Variants in ZEB1 observed in about 807,000 individuals in gnomAD.
ZEB1 encodes the protein zinc finger E-box-binding homeobox 1.
In ZEB1, 21 loss-of-function variants were observed where a neutral mutation model predicts 84.9. That is an observed-to-expected ratio of 0.25 (90% CI 0.18 to 0.36). The LOEUF is 0.36. Ranked by LOEUF, ZEB1 falls within the 10% of genes least tolerant of loss-of-function variation. The pLI is 1.00. For missense variants in ZEB1, 1,104 were observed against 1,330.2 expected, an observed-to-expected ratio of 0.83 and a Z score of 2.65; for synonymous variants, 420 against 471.1, an observed-to-expected ratio of 0.89 and a Z score of 1.41.
At chr10:31,392,796 A>T (rs536891507) in intron 1 of ZEB1, among the ~76,000 whole-genome samples, 16 of 151,320 alleles carry the variant, frequency 1.1e-4, no homozygotes, top group African/African-American at 3.9e-4. Context: ...AAAATATATT[A>T]ATATACTTTT....
rs1210213266 is a variant in ZEB1 at position 31,339,585 on chromosome 10, T to C, written c.58+20293T>C. Among the ~76,000 whole-genome samples, 5 of 151,996 alleles carry C rather than the reference T, an allele frequency of 3.3e-5. No individual in the cohort carries two copies. The East Asian group carries it at 9.6e-4, about 29-fold the overall frequency. On this transcript the variant is annotated intron_variant, in intron 1 of 8. Transcript: ENST00000424869. The stretch of plus-strand genomic sequence containing the variant: ...GAGTTCGAGACCAGCCTGACCAATG[T>C]GGTGAAACCCCTTCTCTACTAAAAA...
intron 2 of ZEB1, among the ~76,000 whole-genome samples, chr10:31,463,823 G>A (rs2062073661): frequency 6.6e-6 from 1 of 152,254 alleles, no homozygotes; most frequent in South Asian, 2.1e-4. Flanking sequence ...AAGTCTTTTG[G>A]AGAAATATAC....
At chr10:31,436,078 A>C (rs1441204184) in intron 1 of ZEB1, among the ~76,000 whole-genome samples, 1 of 152,206 alleles carries the variant, frequency 6.6e-6, no homozygotes, top group Non-Finnish European at 1.5e-5. Context: ...GAACAGTAGC[A>C]AGTGAAGATG....
At chr10:31,378,409 G>C (rs1368954377) in intron 1 of ZEB1, among the ~76,000 whole-genome samples, 1 of 151,536 alleles carries the variant, frequency 6.6e-6, no homozygotes, top group Non-Finnish European at 1.5e-5. Flanking sequence ...TAAAAAATGA[G>C]AGTTAAAATA....
intron 2 of ZEB1, among the ~76,000 whole-genome samples, chr10:31,493,945 TTG>T (rs2066888880): frequency 6.6e-6 from 1 of 152,012 alleles, no homozygotes. Flanking sequence ...ATTAATCAAA[TTG>T]CAGTTCCTAA....
At chr10:31,405,527 A>C (rs1021108606) in intron 1 of ZEB1, among the ~76,000 whole-genome samples, 1 of 152,086 alleles carries the variant, frequency 6.6e-6, no homozygotes, top group Non-Finnish European at 1.5e-5. Flanking sequence ...CTAAAGTGGT[A>C]ATTGTTTCTT....
rs139230792 is a variant in ZEB1 at position 31,409,503 on chromosome 10, T to A, written c.59-51534T>A. Among the ~76,000 whole-genome samples the A allele has an allele frequency of 9.2e-3, 1,388 of 151,344 alleles. 13 individuals carry two copies. The highest frequency in any genetic ancestry group is 0.032 in the African/African-American group (1,298 of 40,776). On this transcript the variant is annotated intron_variant, in intron 1 of 8. Transcript: ENST00000424869. The stretch of plus-strand genomic sequence containing the variant: ...TGTCTTGGCTATACGGGCTCTTTTT[T>A]GGTTCCGTATGAAGTTTAAAGTGGT...
At chr10:31,409,068 A>G (rs1389994858) in intron 1 of ZEB1, among the ~76,000 whole-genome samples, 2 of 152,238 alleles carry the variant, frequency 1.3e-5, no homozygotes, top group Non-Finnish European at 2.9e-5. Context: ...ATACAACCCC[A>G]TCAAAAAGTG....
Position 31,370,337 on chromosome 10 carries a change from G to A in ZEB1, c.58+51045G>A, listed in dbSNP as rs116248216. 6.3e-3 allele frequency among the ~76,000 whole-genome samples: 961 copies of A among 152,230 alleles called. 8 individuals carry two copies. Among genetic ancestry groups the A allele is most frequent in the African/African-American group, 0.022 (911 of 41,528 alleles). On this transcript the variant is annotated intron_variant, in intron 1 of 8. Transcript: ENST00000424869. ...AGAAAAATAGATGTGATGGCCGGGC[G>A]CAGTGGTTCACGCCTGTAATCCCAG...
chr10:31,465,469 T>G (rs1235331053), intron 2 of ZEB1, among the ~76,000 whole-genome samples: 4 of 151,318 alleles, frequency 2.6e-5, no homozygotes, highest in Non-Finnish European at 5.9e-5. Flanking sequence ...AATATATATA[T>G]ATATATAAAA....
intron 7 of ZEB1, 31 bp from the exon 8 acceptor site, chr10:31,523,902 A>G (rs767029148): frequency 1.2e-6 from 2 of 1,608,336 alleles, no homozygotes; most frequent in Non-Finnish European, 1.7e-6. Context: ...TTAATGTTAA[A>G]TTACATTTTC....
rs1215126751 is a variant in ZEB1, at chr10:31,441,624, T to C, written c.59-19413T>C. 2.0e-5 allele frequency among the ~76,000 whole-genome samples: 3 copies of C among 152,104 alleles called. No individual in the cohort carries two copies. The East Asian group carries it at 5.8e-4, about 29-fold the overall frequency. ...CTACCATCAGAGTGAACAGGCAACC[T>C]ACAGAATGGGAAAAAATTTTTGCAA... On this transcript the variant is annotated intron_variant, in intron 1 of 8. Coordinates refer to ENST00000424869, the MANE Select transcript of ZEB1 (RefSeq NM_001174096.2).
chr10:31,394,006 G>A (rs776922835), intron 1 of ZEB1, among the ~76,000 whole-genome samples: 15 of 152,158 alleles, frequency 9.9e-5, no homozygotes, highest in Non-Finnish European at 1.6e-4. Flanking sequence ...TGAGAATAGA[G>A]TGGTAAACAA....
chr10:31,384,418 C>T (rs906387959), intron 1 of ZEB1, among the ~76,000 whole-genome samples: 2 of 152,214 alleles, frequency 1.3e-5, no homozygotes, highest in Non-Finnish European at 2.9e-5. Context: ...GGCACATCAC[C>T]TGTCTCCCCG....
chr10:31,437,566 C>T (rs1330727219), intron 1 of ZEB1, among the ~76,000 whole-genome samples: 1 of 152,102 alleles, frequency 6.6e-6, no homozygotes, highest in Admixed American at 6.6e-5. Context: ...ACTTTCTTTA[C>T]AAAACTAGGC....
chr10:31,337,539 A>G (rs1300368812), intron 1 of ZEB1, among the ~76,000 whole-genome samples: 1 of 151,928 alleles, frequency 6.6e-6, no homozygotes, highest in Non-Finnish European at 1.5e-5. Context: ...TTTTGGGGGA[A>G]CTCAGTATTT....
chr10:31,401,993 A>C (rs1004012865), intron 1 of ZEB1, among the ~76,000 whole-genome samples: 4 of 152,028 alleles, frequency 2.6e-5, no homozygotes, highest in Non-Finnish European at 5.9e-5. Flanking sequence ...GAAAAAAAAA[A>C]CCCTAAAACC....
intron 1 of ZEB1, among the ~76,000 whole-genome samples, chr10:31,443,574 C>G (rs888649798): frequency 8.0e-6 from 1 of 125,196 alleles, no homozygotes; most frequent in African/African-American, 2.9e-5. Flanking sequence ...CCCCCCACCC[C>G]ACAACAGTCC....
At chr10:31,434,252 G>A (rs1329149371) in intron 1 of ZEB1, among the ~76,000 whole-genome samples, 3 of 152,178 alleles carry the variant, frequency 2.0e-5, no homozygotes, top group South Asian at 2.1e-4. Flanking sequence ...GCACTGCTAT[G>A]TGCTGGGCAC....
Sources: allele counts gnomAD v4.1 joint callset (sites outside exome capture counted in the v4.1 genomes callset), GRCh38; gene constraint gnomAD v4.1.1; transcripts MANE v1.5; gene names NCBI Gene and HGNC (gene_info 2026-07-23, HGNC 2026-07-21).